ERC2: variants seen among roughly 807,000 people sequenced by gnomAD.
The protein encoded by ERC2 is ERC protein 2.
ERC2 carries 42 observed loss-of-function variants against 114.8 expected under a neutral mutation model. The ratio of observed to expected loss-of-function variants is 0.37; its 90% confidence interval spans 0.29 to 0.47. The LOEUF (loss-of-function observed/expected upper bound fraction) is 0.47. Ranked by LOEUF, ERC2 falls within the 20% of genes least tolerant of loss-of-function variation. The pLI is 0.99. For synonymous variants in ERC2, 454 were observed against 425.5 expected, an observed-to-expected ratio of 1.07 and a Z score of -0.82; for missense variants, 939 against 1,150.7, an observed-to-expected ratio of 0.82 and a Z score of 2.66.
chr3:55,699,659 A>G (rs1189422902), intron 15 of ERC2, 147 bp from the exon 16 acceptor site: 21 of 880,512 alleles, frequency 2.4e-5, no homozygotes, highest in Non-Finnish European at 3.1e-5. Flanking sequence ...CTTAATAAAG[A>G]AAGCACCATG....
intron 12 of ERC2, among the ~76,000 whole-genome samples, chr3:55,964,674 G>A (rs1216631436): frequency 1.3e-5 from 2 of 152,226 alleles, no homozygotes; most frequent in African/African-American, 4.8e-5. Flanking sequence ...CTGTGGGTCA[G>A]AAGTCCAGGC....
intron 14 of ERC2, among the ~76,000 whole-genome samples, chr3:55,839,960 A>G (rs1198371294): frequency 6.6e-6 from 1 of 152,054 alleles, no homozygotes; most frequent in Non-Finnish European, 1.5e-5. Flanking sequence ...TGTAAATATA[A>G]AGACAGAAAT....
Position 55,914,192 on chromosome 3 carries a change from G to A in ERC2, c.2404-25643C>T, listed in dbSNP as rs192806683. Reference sequence around the variant, plus strand: ...TGCAAAGATGTCTCTGAAATCTCTAGATATACACAGAAATTAGTCAACAAC... The same window carrying A: ...TGCAAAGATGTCTCTGAAATCTCTAAATATACACAGAAATTAGTCAACAAC... On this transcript the variant is annotated intron_variant, in intron 13 of 17. Coordinates refer to ENST00000288221, the MANE Select transcript of ERC2 (RefSeq NM_015576.3). 2.5e-3 allele frequency among the ~76,000 whole-genome samples: 384 copies of A among 152,184 alleles called. 2 individuals carry two copies. The highest frequency in any genetic ancestry group is 8.9e-3 in the African/African-American group (369 of 41,516).
At chr3:55,864,003 T>C (rs1025001999) in intron 14 of ERC2, among the ~76,000 whole-genome samples, 3 of 150,326 alleles carry the variant, frequency 2.0e-5, no homozygotes, top group Admixed American at 6.7e-5. Context: ...AGCATAAAGG[T>C]TGTCATTATA....
At chr3:55,689,027 T>A (rs2062487631) in intron 16 of ERC2, among the ~76,000 whole-genome samples, 1 of 152,150 alleles carries the variant, frequency 6.6e-6, no homozygotes, top group Non-Finnish European at 1.5e-5. Context: ...GGGATCACAG[T>A]AGGAGATGTC....
intron 2 of ERC2, among the ~76,000 whole-genome samples, chr3:56,339,228 G>T (rs1211217195): frequency 6.6e-6 from 1 of 152,164 alleles, no homozygotes; most frequent in Non-Finnish European, 1.5e-5. Flanking sequence ...ACAGCATATG[G>T]GAGTGCGCCA....
At chr3:56,207,299 T>C (rs1281336241) in intron 3 of ERC2, among the ~76,000 whole-genome samples, 1 of 152,058 alleles carries the variant, frequency 6.6e-6, no homozygotes, top group Non-Finnish European at 1.5e-5. Flanking sequence ...AAACACACAA[T>C]AGTTTAGGGC....
chr3:55,809,720 G>T (rs1190828284), intron 14 of ERC2, among the ~76,000 whole-genome samples: 4 of 152,152 alleles, frequency 2.6e-5, no homozygotes, highest in African/African-American at 9.7e-5. Context: ...TCCCCACTGG[G>T]CTTCCCTACA....
chr3:55,898,613 A>G (rs2063956551), intron 13 of ERC2, among the ~76,000 whole-genome samples: 1 of 152,232 alleles, frequency 6.6e-6, no homozygotes, highest in African/African-American at 2.4e-5. Context: ...CACAGTAAGC[A>G]TGCAACCACC....
chr3:55,757,285 C>T (rs1054200440), intron 14 of ERC2, among the ~76,000 whole-genome samples: 10 of 152,058 alleles, frequency 6.6e-5, no homozygotes, highest in Non-Finnish European at 1.2e-4. Flanking sequence ...AAACACAGCA[C>T]GATATTACTT....
rs3059305 is a variant in ERC2, at chr3:55,591,574, CGTGT to C, written c.*40-80302_*40-80299del. ...GAATGACCCCTCAGAAGTTTGTGTGCGTGTGTGTGTGTGTGTGTGTGTGTGTGCG... is the reference window on the plus strand; with the variant it reads ...GAATGACCCCTCAGAAGTTTGTGTGCGTGTGTGTGTGTGTGTGTGTGTGCG... On this transcript the variant is annotated intron_variant, in intron 17 of 17. Coordinates refer to ENST00000288221, the MANE Select transcript of ERC2 (RefSeq NM_015576.3). Among the ~76,000 whole-genome samples the C allele has an allele frequency of 2.0e-3, 291 of 148,218 alleles. 3 individuals carry two copies. The highest frequency in any genetic ancestry group is 0.014 in the Middle Eastern group (4 of 292).
chr3:56,256,629 C>T (rs2052533778), intron 3 of ERC2, among the ~76,000 whole-genome samples: 1 of 151,952 alleles, frequency 6.6e-6, no homozygotes, highest in Non-Finnish European at 1.5e-5. Flanking sequence ...TGTCCCCACA[C>T]AAATCTCATC....
chr3:55,605,404 T>C (rs140085629), intron 17 of ERC2, among the ~76,000 whole-genome samples: 1 of 152,352 alleles, frequency 6.6e-6, no homozygotes, highest in African/African-American at 2.4e-5. Flanking sequence ...TGAAAATATT[T>C]TTAAAACAAA....
chr3:56,012,968 G>C (rs879319754), intron 8 of ERC2, among the ~76,000 whole-genome samples: 1 of 152,144 alleles, frequency 6.6e-6, no homozygotes, highest in Non-Finnish European at 1.5e-5. Context: ...TTTATCACAG[G>C]GTGGGAACTA....
chr3:55,565,382 A>G (rs2056299910), intron 17 of ERC2, among the ~76,000 whole-genome samples: 1 of 152,196 alleles, frequency 6.6e-6, no homozygotes, highest in Non-Finnish European at 1.5e-5. Context: ...AGTTAAGAAC[A>G]TAGTGGCTGA....
intron 3 of ERC2, among the ~76,000 whole-genome samples, chr3:56,209,097 A>G (rs2048906581): frequency 6.6e-6 from 1 of 152,128 alleles, no homozygotes; most frequent in African/African-American, 2.4e-5. Context: ...AAGCATCTCA[A>G]GGCAGCACTT....
At chr3:56,385,214 C>G (rs2059892752) in intron 2 of ERC2, among the ~76,000 whole-genome samples, 1 of 152,252 alleles carries the variant, frequency 6.6e-6, no homozygotes, top group Admixed American at 6.5e-5. Context: ...ATCAAGGTGC[C>G]AGCAGATTTG....
intron 7 of ERC2, among the ~76,000 whole-genome samples, chr3:56,080,343 C>A (rs1009184593): frequency 2.0e-5 from 3 of 152,136 alleles, no homozygotes; most frequent in East Asian, 3.9e-4. Flanking sequence ...ATTATACATT[C>A]TTTCCATTGA....
At chr3:56,411,291 G>A (rs1026279067) in intron 2 of ERC2, among the ~76,000 whole-genome samples, 3 of 151,520 alleles carry the variant, frequency 2.0e-5, no homozygotes. Flanking sequence ...CCTCCTCCAT[G>A]AGCACATCAA....
Sources: allele counts gnomAD v4.1 joint callset (sites outside exome capture counted in the v4.1 genomes callset), GRCh38; gene constraint gnomAD v4.1.1; transcripts MANE v1.5; gene names NCBI Gene and HGNC (gene_info 2026-07-23, HGNC 2026-07-21).